The following PLEKHM3 variants were observed in gnomAD, a reference collection of about 807,000 sequenced individuals.
PLEKHM3 encodes pleckstrin homology domain-containing family M member 3.
Under a neutral mutation model 81.8 loss-of-function variants are expected in PLEKHM3, and 45 were observed. That is an observed-to-expected ratio of 0.55 (90% confidence interval 0.43 to 0.71). The LOEUF (loss-of-function observed/expected upper bound fraction) is 0.71, where lower values mean the gene tolerates loss of function less well. Among genes scored for constraint, PLEKHM3 ranks in the 30% least tolerant of loss-of-function variants. The pLI is 0.00. For synonymous variants in PLEKHM3, 352 were observed against 356.4 expected, an observed-to-expected ratio of 0.99 and a Z score of 0.14; for missense variants, 788 against 924.3, an observed-to-expected ratio of 0.85 and a Z score of 1.91.
At chr2:207,931,986 CAAAT>C (rs906308956) in intron 4 of PLEKHM3, among the ~76,000 whole-genome samples, 4 of 152,116 alleles carry the variant, frequency 2.6e-5, no homozygotes, top group Admixed American at 2.6e-4. Context: ...AACAAACAAA[CAAAT>C]AAAAAGACTA....
intron 1 of PLEKHM3, among the ~76,000 whole-genome samples, chr2:208,017,223 T>C (rs1024730184): frequency 2.0e-5 from 3 of 152,236 alleles, no homozygotes; most frequent in African/African-American, 7.2e-5. Context: ...AAAATAAGGA[T>C]AACTGTCTCA....
At chr2:207,994,278 C>T (rs996320154) in intron 2 of PLEKHM3, among the ~76,000 whole-genome samples, 24 of 152,084 alleles carry the variant, frequency 1.6e-4, no homozygotes, top group African/African-American at 5.8e-4. Context: ...TATGTTCTTA[C>T]CTTATGACAC....
intron 6 of PLEKHM3, among the ~76,000 whole-genome samples, chr2:207,891,653 A>G (rs1375087675): frequency 6.6e-6 from 1 of 152,220 alleles, no homozygotes; most frequent in East Asian, 1.9e-4. Flanking sequence ...AAAAAAACCA[A>G]AGAGGTTTTC....
chr2:207,942,058 T>C (rs1689955612), intron 4 of PLEKHM3, among the ~76,000 whole-genome samples: 1 of 152,212 alleles, frequency 6.6e-6, no homozygotes, highest in Admixed American at 6.5e-5. Flanking sequence ...GAAAACAGTA[T>C]GGGAGTTCTT....
intron 7 of PLEKHM3, among the ~76,000 whole-genome samples, chr2:207,857,211 T>A (rs1383173133): frequency 6.6e-6 from 1 of 152,226 alleles, no homozygotes; most frequent in African/African-American, 2.4e-5. Flanking sequence ...GTTTTTGTCT[T>A]ACATATTTTG....
chr2:207,835,476 A>G lies in PLEKHM3; in HGVS notation c.2109-6980T>C, dbSNP rs184387369. On this transcript the variant is annotated intron_variant, in intron 7 of 7. Coordinates refer to ENST00000427836, the MANE Select transcript of PLEKHM3 (RefSeq NM_001080475.3). ...TTCCAACTTGCAGATTTTGTGCAGG[A>G]TTTGGGGGCCGGGGGAGCTACTCTG... is the stretch of plus-strand genomic sequence containing the variant. Among the ~76,000 whole-genome samples the G allele has an allele frequency of 4.9e-4, 74 of 152,136 alleles. 1 individual carries two copies. Among genetic ancestry groups the G allele is most frequent in the Non-Finnish European group, 4.0e-4 (27 of 68,006 alleles).
At chr2:207,841,044 C>G (rs1244745484) in intron 7 of PLEKHM3, among the ~76,000 whole-genome samples, 1 of 151,724 alleles carries the variant, frequency 6.6e-6, no homozygotes, top group Non-Finnish European at 1.5e-5. Context: ...GTCTCAAACT[C>G]CTGACCTCAA....
chr2:207,852,717 G>A (rs973549253), intron 7 of PLEKHM3: 29 of 406,006 alleles, frequency 7.1e-5, no homozygotes, highest in Non-Finnish European at 1.2e-4. Context: ...GGCAGGGAAA[G>A]GCTGAAAAAC....
At chr2:207,940,892 C>G (rs1689917517) in intron 4 of PLEKHM3, among the ~76,000 whole-genome samples, 1 of 152,176 alleles carries the variant, frequency 6.6e-6, no homozygotes. Flanking sequence ...TCTTCTTTCT[C>G]TCAAGTTAGG....
At chr2:208,025,348 A>C (rs1412269507) in intron 1 of PLEKHM3, 41 bp downstream of exon 1, 1 of 152,348 alleles carries the variant, frequency 6.6e-6, no homozygotes, top group African/African-American at 2.4e-5. Flanking sequence ...CCATCCCCCA[A>C]ACTGGCCGGC....
chr2:207,829,874 C>T (rs879943020), intron 7 of PLEKHM3, among the ~76,000 whole-genome samples: 9 of 152,090 alleles, frequency 5.9e-5, no homozygotes, highest in Non-Finnish European at 1.2e-4. Flanking sequence ...GCAGGATGGT[C>T]TTGGGGGCAT....
At chr2:208,008,177 G>A (rs1692561493) in intron 1 of PLEKHM3, among the ~76,000 whole-genome samples, 1 of 152,074 alleles carries the variant, frequency 6.6e-6, no homozygotes, top group Admixed American at 6.5e-5. Context: ...GTTCAAGGTC[G>A]TAGTAAGCTG....
In PLEKHM3 at chr2:207,841,461, AAAAAAAAAAAAAAAAAAAAAT is replaced by A. The variant is rs1412327015; in HGVS notation, c.2109-12986_2109-12966del. Among the ~76,000 whole-genome samples, 573 of 61,708 alleles carry A rather than the reference AAAAAAAAAAAAAAAAAAAAAT, an allele frequency of 9.3e-3. 12 individuals carry two copies. Among genetic ancestry groups the A allele is most frequent in the African/African-American group, 0.04 (502 of 12,688 alleles). 40.5% of individuals were successfully genotyped at this position (61,708 alleles called of 152,430 possible). ...GAGACTCCATCTCAAAAAAAAAAAA[AAAAAAAAAAAAAAAAAAAAAT>A]ATATATATATATATATATATATATA... is the stretch of plus-strand genomic sequence containing the variant. On this transcript the variant is annotated intron_variant, in intron 7 of 7. Transcript: ENST00000427836.
chr2:207,885,275 CCTGA>C (rs1180919735), intron 6 of PLEKHM3, among the ~76,000 whole-genome samples: 1 of 152,148 alleles, frequency 6.6e-6, no homozygotes, highest in Non-Finnish European at 1.5e-5. Flanking sequence ...ACAGATCTTC[CCTGA>C]CTAACTCAGA....
At chr2:208,022,328 C>G (rs781009317) in intron 1 of PLEKHM3, among the ~76,000 whole-genome samples, 17 of 152,222 alleles carry the variant, frequency 1.1e-4, no homozygotes, top group Middle Eastern at 3.2e-3. Flanking sequence ...TAGCTTAAAA[C>G]AACACCTATT....
chr2:207,950,692 C>A (rs553177425), intron 3 of PLEKHM3, among the ~76,000 whole-genome samples: 2 of 152,124 alleles, frequency 1.3e-5, no homozygotes, highest in Non-Finnish European at 2.9e-5. Context: ...TTCTATTCAA[C>A]AAAAGTGCAG....
At chr2:207,873,903 A>C (rs2105835986) in intron 6 of PLEKHM3, among the ~76,000 whole-genome samples, 1 of 152,348 alleles carries the variant, frequency 6.6e-6, no homozygotes. Context: ...TTGTGATCTA[A>C]TACATTGCTG....
chr2:208,023,340 T>G (rs1290332642), intron 1 of PLEKHM3, among the ~76,000 whole-genome samples: 1 of 152,012 alleles, frequency 6.6e-6, no homozygotes, highest in East Asian at 1.9e-4. Context: ...TACAGTTCAG[T>G]ATTGTTAAGT....
chr2:208,011,286 C>T (rs905835001), intron 1 of PLEKHM3, among the ~76,000 whole-genome samples: 1 of 152,114 alleles, frequency 6.6e-6, no homozygotes. Flanking sequence ...GACACTTGCA[C>T]ATGCATGTTT....
Sources: gnomAD v4.1 joint callset for allele counts (sites outside exome capture counted in the v4.1 genomes callset) on GRCh38, gnomAD v4.1.1 for gene constraint, MANE v1.5 for transcripts, NCBI Gene and HGNC (gene_info 2026-07-23, HGNC 2026-07-21) for gene names.